GPHN: variants seen among roughly 807,000 people sequenced by gnomAD.
GPHN encodes the protein gephyrin.
In GPHN, 17 loss-of-function variants were observed where a neutral mutation model predicts 95.5. The ratio of observed to expected loss-of-function variants is 0.18; its 90% confidence interval spans 0.12 to 0.27. The LOEUF (loss-of-function observed/expected upper bound fraction) is 0.27, where lower values mean the gene tolerates loss of function less well. Among genes scored for constraint, GPHN ranks in the 10% least tolerant of loss-of-function variants. The pLI is 1.00. For missense variants in GPHN, 660 were observed against 978.1 expected (o/e 0.67, Z 4.34); for synonymous variants, 320 against 322.5 (o/e 0.99, Z 0.08).
chr14:66,850,067 T>C (rs1025405949), intron 4 of GPHN, among the ~76,000 whole-genome samples: 3 of 152,132 alleles, frequency 2.0e-5, no homozygotes, highest in African/African-American at 4.8e-5. Flanking sequence ...ATAGTTTATG[T>C]TCTAACTATC....
At chr14:67,083,032 AG>A (rs2076751387) in intron 11 of GPHN, among the ~76,000 whole-genome samples, 3 of 152,244 alleles carry the variant, frequency 2.0e-5, no homozygotes, top group Admixed American at 2.0e-4. Context: ...CTTAAATAAA[AG>A]TAAAGACTGT....
chr14:66,604,803 G>T (rs892918095), intron 1 of GPHN, among the ~76,000 whole-genome samples: 2 of 151,984 alleles, frequency 1.3e-5, no homozygotes, highest in African/African-American at 4.8e-5. Context: ...TGTCACCCAG[G>T]TACTGAGCAT....
chr14:66,510,455 A>T (rs1427829737), intron 1 of GPHN, among the ~76,000 whole-genome samples: 3 of 152,254 alleles, frequency 2.0e-5, no homozygotes, highest in Non-Finnish European at 4.4e-5. Flanking sequence ...GGTGTTGTAC[A>T]GACTGCTTTG....
At chr14:66,570,238 A>G (rs2060628701) in intron 1 of GPHN, among the ~76,000 whole-genome samples, 1 of 151,816 alleles carries the variant, frequency 6.6e-6, no homozygotes, top group Non-Finnish European at 1.5e-5. Flanking sequence ...TATTGTGAAT[A>G]ATGCTGAAAT....
At chr14:67,314,444 A>G in the GPHN span, among the ~76,000 whole-genome samples, 1 of 152,218 alleles carries the variant, frequency 6.6e-6, no homozygotes, top group Non-Finnish European at 1.5e-5. Context: ...GATTTTGTCT[A>G]TATCAGTCAT....
chr14:67,041,888 T>G (rs1163227134), intron 10 of GPHN, among the ~76,000 whole-genome samples: 1 of 152,194 alleles, frequency 6.6e-6, no homozygotes, highest in Non-Finnish European at 1.5e-5. Context: ...TGTTGTTTCC[T>G]GACGTTTTAA....
the GPHN span, among the ~76,000 whole-genome samples, chr14:67,719,845 CAGCTGTAT>C: frequency 6.6e-6 from 1 of 152,100 alleles, no homozygotes; most frequent in South Asian, 2.1e-4. Flanking sequence ...TCTTTTTTTA[CAGCTGTAT>C]ACTATCTATT....
chr14:66,865,389 G>A (rs537511027), intron 4 of GPHN, among the ~76,000 whole-genome samples: 2 of 151,910 alleles, frequency 1.3e-5, no homozygotes, highest in African/African-American at 4.8e-5. Context: ...GCATACCCAG[G>A]AAAATTAAAA....
chr14:67,189,252 C>G, the GPHN span: 9 of 152,200 alleles, frequency 5.9e-5, no homozygotes, highest in Non-Finnish European at 1.5e-5. Context: ...CACTCCTGAG[C>G]GGTCCGGTCA....
chr14:67,648,115 GA>G, the GPHN span: 2 of 1,614,010 alleles, frequency 1.2e-6, no homozygotes, highest in Non-Finnish European at 1.7e-6. Context: ...CCAGCCACAG[GA>G]ACTCCTGTTG....
chr14:67,446,464 T>C, the GPHN span, among the ~76,000 whole-genome samples: 1 of 152,092 alleles, frequency 6.6e-6, no homozygotes, highest in African/African-American at 2.4e-5. Flanking sequence ...GAAACCAAAA[T>C]CAGAGAAACA....
At position 67,054,328 on chromosome 14, in the gene GPHN, T is replaced by C. The variant is rs1447238476; in HGVS notation, c.1007-4321T>C. 2.0e-5 allele frequency among the ~76,000 whole-genome samples: 3 copies of C among 152,200 alleles called. No homozygotes were observed. In the East Asian group the frequency reaches 5.8e-4, roughly 29 times the overall value. On this transcript the variant is annotated intron_variant, in intron 10 of 22. Transcript: ENST00000478722. ...AGCAGTAGACAAGCAGGAAGCCAAA[T>C]CATGAATGAATTCCCTTTCACAGTT...
chr14:66,553,075 C>T (rs1238171509), intron 1 of GPHN, among the ~76,000 whole-genome samples: 3 of 151,576 alleles, frequency 2.0e-5, no homozygotes, highest in Non-Finnish European at 2.9e-5. Context: ...ACTGTAACCT[C>T]CGCCTCCCAG....
intron 1 of GPHN, among the ~76,000 whole-genome samples, chr14:66,618,312 A>C (rs1001535819): frequency 6.6e-6 from 1 of 152,172 alleles, no homozygotes; most frequent in African/African-American, 2.4e-5. Context: ...TCCTGACCTC[A>C]GGTGATCCAC....
At chr14:66,883,475 C>T (rs141642488) in intron 5 of GPHN, among the ~76,000 whole-genome samples, 7 of 152,050 alleles carry the variant, frequency 4.6e-5, no homozygotes, top group East Asian at 1.9e-4. Context: ...AATTATTCTT[C>T]GGACAATTTC....
At chr14:67,633,826 TA>T in the GPHN span, among the ~76,000 whole-genome samples, 3 of 152,340 alleles carry the variant, frequency 2.0e-5, no homozygotes, top group East Asian at 5.8e-4. Context: ...TCCTCCTCAG[TA>T]AGCATTTCTT....
At chr14:67,598,539 AGCATCTG>A in the GPHN span, among the ~76,000 whole-genome samples, 1 of 152,096 alleles carries the variant, frequency 6.6e-6, no homozygotes, top group African/African-American at 2.4e-5. Flanking sequence ...AATTCAGTAA[AGCATCTG>A]GCAGTCAGTG....
intron 16 of GPHN, among the ~76,000 whole-genome samples, chr14:67,115,659 C>T (rs1275202586): frequency 5.3e-5 from 8 of 151,766 alleles, no homozygotes; most frequent in Non-Finnish European, 8.8e-5. Context: ...TGCTTGAACC[C>T]GGGAGGCGGA....
the GPHN span, among the ~76,000 whole-genome samples, chr14:67,430,209 G>T: frequency 6.6e-6 from 1 of 152,156 alleles, no homozygotes; most frequent in Non-Finnish European, 1.5e-5. Flanking sequence ...GAGCTTGGAT[G>T]ACATGGACCC....
Sources: gnomAD v4.1 joint callset for allele counts (sites outside exome capture counted in the v4.1 genomes callset) on GRCh38, gnomAD v4.1.1 for gene constraint, MANE v1.5 for transcripts, NCBI Gene and HGNC (gene_info 2026-07-23, HGNC 2026-07-21) for gene names.